ASCC3: variants seen among roughly 807,000 people sequenced by gnomAD.
The protein encoded by ASCC3 is activating signal cointegrator 1 complex subunit 3.
Under a neutral mutation model 256.3 loss-of-function variants are expected in ASCC3, and 158 were observed. The ratio of observed to expected loss-of-function variants is 0.62; its 90% confidence interval spans 0.54 to 0.70. ASCC3 has a LOEUF of 0.70. Among genes scored for constraint, ASCC3 ranks in the 30% least tolerant of loss-of-function variants. The pLI is 0.00. For synonymous variants in ASCC3, 948 were observed against 883.4 expected (o/e 1.07, Z -1.30); for missense variants, 2,259 against 2,626.0 (o/e 0.86, Z 3.05).
chr6:100,688,966 T>G (rs1407357361), intron 13 of ASCC3, among the ~76,000 whole-genome samples: 1 of 152,144 alleles, frequency 6.6e-6, no homozygotes, highest in Non-Finnish European at 1.5e-5. Flanking sequence ...CACTCTAAAG[T>G]TCTTCATTAT....
intron 36 of ASCC3, among the ~76,000 whole-genome samples, chr6:100,586,682 C>T (rs1235277020): frequency 1.3e-5 from 2 of 152,140 alleles, no homozygotes; most frequent in African/African-American, 2.4e-5. Flanking sequence ...GCGTCACTCA[C>T]GCTGGGAGCT....
At chr6:100,784,562 A>G (rs1353351019) in intron 8 of ASCC3, among the ~76,000 whole-genome samples, 1 of 152,106 alleles carries the variant, frequency 6.6e-6, no homozygotes, top group Non-Finnish European at 1.5e-5. Flanking sequence ...GGTAGATAAG[A>G]ATGAAGACAT....
chr6:100,839,180 C>A (rs1772021011), intron 4 of ASCC3, among the ~76,000 whole-genome samples: 1 of 152,062 alleles, frequency 6.6e-6, no homozygotes, highest in African/African-American at 2.4e-5. Flanking sequence ...TTCCAGCATT[C>A]CCTTCTTAAA....
At chr6:100,585,497 G>C (rs1771602703) in intron 36 of ASCC3, among the ~76,000 whole-genome samples, 1 of 152,082 alleles carries the variant, frequency 6.6e-6, no homozygotes, top group Admixed American at 6.5e-5. Flanking sequence ...TTTTTTCAAA[G>C]TTTTCAGTTT....
At chr6:100,869,147 A>G (rs1007689226) in intron 1 of ASCC3, among the ~76,000 whole-genome samples, 1 of 152,182 alleles carries the variant, frequency 6.6e-6, no homozygotes, top group African/African-American at 2.4e-5. Context: ...TGTCACAACT[A>G]TCAGGGAGGT....
intron 13 of ASCC3, among the ~76,000 whole-genome samples, chr6:100,681,107 C>A (rs1777279819): frequency 6.6e-6 from 1 of 151,988 alleles, no homozygotes; most frequent in Admixed American, 6.5e-5. Flanking sequence ...GGTAAGTGTT[C>A]CACATATGAG....
At chr6:100,633,950 A>T (rs905846853) in intron 25 of ASCC3, among the ~76,000 whole-genome samples, 4 of 152,178 alleles carry the variant, frequency 2.6e-5, no homozygotes, top group Admixed American at 1.3e-4. Context: ...TTATGGCCAC[A>T]GTACACGATA....
At chr6:100,726,117 A>G (rs1779615324) in intron 10 of ASCC3, among the ~76,000 whole-genome samples, 1 of 151,768 alleles carries the variant, frequency 6.6e-6, no homozygotes, top group African/African-American at 2.4e-5. Context: ...TCAACAATTC[A>G]CTCTACCGAT....
intron 30 of ASCC3, among the ~76,000 whole-genome samples, chr6:100,612,023 C>T (rs946003350): frequency 7.9e-5 from 12 of 151,790 alleles, no homozygotes; most frequent in Non-Finnish European, 4.4e-5. Flanking sequence ...AAAAATTATT[C>T]AATATTATAC....
Position 100,642,580 on chromosome 6 carries a change from C to A in ASCC3, c.3901+1G>T. The A allele has an allele frequency of 6.2e-7, 1 of 1,613,692 alleles. No homozygotes were observed. Among genetic ancestry groups the A allele is most frequent in the Non-Finnish European group, 8.5e-7 (1 of 1,179,712 alleles). ...ATTCAAATCAGCATTCACCATGTTACCTGTATGAGGAGGATGTCTCTCTGG... is the reference window on the plus strand; with the variant it reads ...ATTCAAATCAGCATTCACCATGTTAACTGTATGAGGAGGATGTCTCTCTGG... On this transcript the variant is annotated splice_donor_variant, in intron 24 of 41. Coordinates refer to ENST00000369162, the MANE Select transcript of ASCC3 (RefSeq NM_006828.4). LOFTEE classifies it high-confidence loss of function.
chr6:100,634,876 AAAAAAAG>A (rs1287573334), intron 25 of ASCC3, among the ~76,000 whole-genome samples: 29 of 147,634 alleles, frequency 2.0e-4, no homozygotes, highest in Non-Finnish European at 4.1e-4. Flanking sequence ...AAAAAAAAAA[AAAAAAAG>A]AAAAGAAAAA....
chr6:100,541,360 A>C (rs1775453653), intron 36 of ASCC3, among the ~76,000 whole-genome samples: 1 of 152,122 alleles, frequency 6.6e-6, no homozygotes, highest in African/African-American at 2.4e-5. Context: ...AAAACTATGA[A>C]AGAGAATGAT....
intron 1 of ASCC3, among the ~76,000 whole-genome samples, chr6:100,870,836 A>G (rs1351695537): frequency 1.3e-5 from 2 of 152,206 alleles, no homozygotes; most frequent in Non-Finnish European, 1.5e-5. Context: ...GAAGAAAAAA[A>G]TGAAAGCAAG....
intron 37 of ASCC3, among the ~76,000 whole-genome samples, chr6:100,532,319 G>A (rs1774916908): frequency 7.4e-6 from 1 of 135,758 alleles, no homozygotes; most frequent in Non-Finnish European, 1.5e-5. Flanking sequence ...TCTCATCAAA[G>A]CAGAATGCTA....
At chr6:100,579,703 T>C (rs1440670172) in intron 36 of ASCC3, among the ~76,000 whole-genome samples, 3 of 152,058 alleles carry the variant, frequency 2.0e-5, no homozygotes, top group Non-Finnish European at 1.5e-5. Context: ...GTTTTTCTGC[T>C]AGCACCATGC....
chr6:100,578,207 G>A (rs920895345), intron 36 of ASCC3, among the ~76,000 whole-genome samples: 5 of 151,870 alleles, frequency 3.3e-5, no homozygotes, highest in African/African-American at 9.7e-5. Flanking sequence ...GTATAAACAG[G>A]CATAACATAT....
At chr6:100,579,712 G>A (rs187160276) in intron 36 of ASCC3, among the ~76,000 whole-genome samples, 15 of 152,174 alleles carry the variant, frequency 9.9e-5, no homozygotes, top group African/African-American at 3.4e-4. Context: ...CTAGCACCAT[G>A]CTGTTTTGGT....
intron 26 of ASCC3, among the ~76,000 whole-genome samples, chr6:100,630,796 T>G (rs2114865796): frequency 6.6e-6 from 1 of 152,056 alleles, no homozygotes; most frequent in Non-Finnish European, 1.5e-5. Context: ...CTCTGCAAAA[T>G]ACGAAAAAAA....
chr6:100,696,496 T>C (rs1234779644), intron 13 of ASCC3, among the ~76,000 whole-genome samples: 2 of 152,016 alleles, frequency 1.3e-5, no homozygotes, highest in East Asian at 1.9e-4. Flanking sequence ...TTATTAACTA[T>C]ATTTACCAAT....
Sources: allele counts gnomAD v4.1 joint callset (sites outside exome capture counted in the v4.1 genomes callset), GRCh38; gene constraint gnomAD v4.1.1; transcripts MANE v1.5; gene names NCBI Gene and HGNC (gene_info 2026-07-23, HGNC 2026-07-21).